PDE1C: variants seen among roughly 807,000 people sequenced by gnomAD.
PDE1C encodes the protein phosphodiesterase 1C, also known as dual specificity calcium/calmodulin-dependent 3',5'-cyclic nucleotide phosphodiesterase 1C.
A neutral mutation model predicts 93.1 loss-of-function variants in PDE1C; 62 were observed. The ratio of observed to expected loss-of-function variants is 0.67; its 90% CI spans 0.54 to 0.82. The LOEUF (loss-of-function observed/expected upper bound fraction) is 0.82. Ranked by LOEUF, PDE1C falls within the 40% of genes least tolerant of loss-of-function variation. PDE1C has a pLI of 0.00. For missense variants in PDE1C, 742 were observed against 884.6 expected, an observed-to-expected ratio of 0.84 and a Z score of 2.04; for synonymous variants, 325 against 310.1, an observed-to-expected ratio of 1.05 and a Z score of -0.50.
chr7:32,222,849 G>A (rs1348340836), intron 1 of PDE1C, among the ~76,000 whole-genome samples: 1 of 152,110 alleles, frequency 6.6e-6, no homozygotes, highest in Non-Finnish European at 1.5e-5. Context: ...CACCATCTCA[G>A]TAAATGGAAC....
intron 7 of PDE1C, among the ~76,000 whole-genome samples, chr7:31,854,716 T>C (rs1242567310): frequency 1.3e-5 from 2 of 152,174 alleles, no homozygotes; most frequent in African/African-American, 4.8e-5. Context: ...AGAGTTTCTT[T>C]AGTAATCTGT....
chr7:31,790,537 T>G (rs2128659710), intron 16 of PDE1C, among the ~76,000 whole-genome samples: 1 of 152,284 alleles, frequency 6.6e-6, no homozygotes, highest in Non-Finnish European at 1.5e-5. Flanking sequence ...AGTAGGGATA[T>G]TAAGCCACCT....
At chr7:32,311,047 G>T (rs183991028) in intron 1 of PDE1C, among the ~76,000 whole-genome samples, 2 of 151,928 alleles carry the variant, frequency 1.3e-5, no homozygotes, top group South Asian at 2.1e-4. Context: ...TCAAATAGAC[G>T]CAATAAAAAA....
At chr7:31,827,620 C>G (rs1789855640) in intron 12 of PDE1C, among the ~76,000 whole-genome samples, 1 of 152,020 alleles carries the variant, frequency 6.6e-6, no homozygotes, top group African/African-American at 2.4e-5. Context: ...ACTCAAAACA[C>G]AAGTAGAAAA....
intron 1 of PDE1C, among the ~76,000 whole-genome samples, chr7:32,355,098 C>A (rs1784006542): frequency 6.6e-6 from 1 of 152,118 alleles, no homozygotes; most frequent in Non-Finnish European, 1.5e-5. Flanking sequence ...GCTCTTAAAG[C>A]CCTAGAAGGG....
chr7:32,055,046 C>T (rs1247391338), intron 1 of PDE1C, among the ~76,000 whole-genome samples: 1 of 152,160 alleles, frequency 6.6e-6, no homozygotes, highest in African/African-American at 2.4e-5. Flanking sequence ...TATGACTGCT[C>T]ATGGTCATGA....
chr7:31,689,128 C>T, the PDE1C span, among the ~76,000 whole-genome samples: 3 of 152,146 alleles, frequency 2.0e-5, no homozygotes, highest in Non-Finnish European at 4.4e-5. Context: ...ACGTTTGACT[C>T]CAGGCTTGTC....
At chr7:32,345,972 A>C (rs1783846050) in intron 1 of PDE1C, among the ~76,000 whole-genome samples, 1 of 152,244 alleles carries the variant, frequency 6.6e-6, no homozygotes, top group African/African-American at 2.4e-5. Context: ...CCTTGTGGCC[A>C]GGCAATTACA....
At chr7:31,834,370 C>T (rs1375413999) in intron 11 of PDE1C, among the ~76,000 whole-genome samples, 2 of 152,158 alleles carry the variant, frequency 1.3e-5, no homozygotes, top group African/African-American at 2.4e-5. Context: ...GGTCCACTGA[C>T]AACTTGCACC....
At chr7:31,844,963 T>G (rs1434633527) in intron 9 of PDE1C, among the ~76,000 whole-genome samples, 1 of 152,132 alleles carries the variant, frequency 6.6e-6, no homozygotes, top group Non-Finnish European at 1.5e-5. Flanking sequence ...AAATTCTAAA[T>G]GTAGACATTT....
At chr7:31,739,116 T>C in the PDE1C span, among the ~76,000 whole-genome samples, 2 of 151,332 alleles carry the variant, frequency 1.3e-5, no homozygotes, top group Non-Finnish European at 2.9e-5. Flanking sequence ...TGCTGTCTGA[T>C]TACCTATTGA....
intron 1 of PDE1C, among the ~76,000 whole-genome samples, chr7:32,222,433 G>T (rs749970412): frequency 6.6e-6 from 1 of 152,176 alleles, no homozygotes; most frequent in Non-Finnish European, 1.5e-5. Context: ...TCGATAAAGG[G>T]CCAGTCCTGA....
chr7:31,666,827 T>A, the PDE1C span, among the ~76,000 whole-genome samples: 1 of 152,180 alleles, frequency 6.6e-6, no homozygotes. Context: ...TGAATACAAG[T>A]TCTTTACCAG....
At chr7:31,660,459 G>C in the PDE1C span, among the ~76,000 whole-genome samples, 1 of 151,876 alleles carries the variant, frequency 6.6e-6, no homozygotes, top group Non-Finnish European at 1.5e-5. Flanking sequence ...AGAAAGGTTA[G>C]ATTGTTCTGG....
intron 3 of PDE1C, among the ~76,000 whole-genome samples, chr7:32,142,461 C>T (rs372903798): frequency 5.3e-5 from 8 of 152,056 alleles, no homozygotes; most frequent in Non-Finnish European, 1.0e-4. Flanking sequence ...CCAGAAGGGA[C>T]GTGAAAGTGA....
At chr7:31,996,064 C>T (rs559839603) in intron 2 of PDE1C, among the ~76,000 whole-genome samples, 246 of 120,280 alleles carry the variant, frequency 2.0e-3, no homozygotes, top group Non-Finnish European at 3.5e-3. Flanking sequence ...TTTACGCTTC[C>T]GGACACACAC....
intron 2 of PDE1C, among the ~76,000 whole-genome samples, chr7:32,009,742 A>G (rs757925471): frequency 6.6e-6 from 1 of 152,160 alleles, no homozygotes; most frequent in South Asian, 2.1e-4. Context: ...GAAGAAGTAA[A>G]ACTGTCTTTA....
chr7:31,726,994 C>T, the PDE1C span, among the ~76,000 whole-genome samples: 1 of 152,140 alleles, frequency 6.6e-6, no homozygotes, highest in Admixed American at 6.5e-5. Context: ...CAAGATCATG[C>T]CATTGCCCTC....
At chr7:31,711,315 G>T in the PDE1C span, among the ~76,000 whole-genome samples, 1 of 152,172 alleles carries the variant, frequency 6.6e-6, no homozygotes. Context: ...ATGCCTTTCA[G>T]AAAAGGAAGA....
Sources: gnomAD v4.1 joint callset for allele counts (sites outside exome capture counted in the v4.1 genomes callset) on GRCh38, gnomAD v4.1.1 for gene constraint, MANE v1.5 for transcripts, NCBI Gene and HGNC (gene_info 2026-07-23, HGNC 2026-07-21) for gene names.